TXNRD2: variants seen among roughly 807,000 people sequenced by gnomAD.
TXNRD2 encodes thioredoxin reductase 2.
Under a neutral mutation model 70.8 loss-of-function variants are expected in TXNRD2, and 67 were observed. That is an observed-to-expected ratio of 0.95 (90% CI 0.78 to 1.16). TXNRD2 has a LOEUF of 1.16. TXNRD2 is among the 50% of genes most tolerant of loss of function. The pLI is 0.00. For missense variants in TXNRD2, 644 were observed against 719.9 expected (o/e 0.89, Z 1.21); for synonymous variants, 301 against 295.8 (o/e 1.02, Z -0.18).
At chr22:19,911,864 G>T (rs1940427795) in intron 7 of TXNRD2, among the ~76,000 whole-genome samples, 3 of 152,212 alleles carry the variant, frequency 2.0e-5, no homozygotes, top group Non-Finnish European at 4.4e-5. Context: ...CAACACCTGG[G>T]TTCTGGGGGA....
Position 19,878,180 on chromosome 22 carries a change from C to T in TXNRD2, c.1355G>A (p.Cys452Tyr). The T allele has an allele frequency of 6.2e-7, 1 of 1,613,150 alleles. No individual in the cohort carries two copies. Among genetic ancestry groups the T allele is most frequent in the Non-Finnish European group, 8.5e-7 (1 of 1,180,004 alleles). ...DASQCYVKMV[C>Y]LREPPQLVLG... Reference sequence around the variant, plus strand: ...CACCAGCTGTGGGGGCTCCCTCAGGCACACCATCTGAAAGCCGCACATCTC... The same window carrying T: ...CACCAGCTGTGGGGGCTCCCTCAGGTACACCATCTGAAAGCCGCACATCTC... Residue 452 changes from cysteine to tyrosine, a missense_variant, in exon 16 of 18, where the codon TGC (cysteine) becomes TAC (tyrosine). Physicochemically the swap from Cys to Tyr is radical, Grantham distance 194. Around this residue, in one of 3 missense-constraint regions of TXNRD2, gnomAD observed 566 missense variants for 645.0 expected, o/e 0.88. Coordinates refer to ENST00000400521, the MANE Select transcript of TXNRD2 (RefSeq NM_006440.5).
intron 15 of TXNRD2, 36 bp downstream of exon 15, chr22:19,878,330 C>T (rs1455145637): frequency 1.2e-6 from 2 of 1,612,070 alleles, no homozygotes; most frequent in Non-Finnish European, 1.7e-6. Context: ...CACCCTCCCT[C>T]TCATCCTCAG....
chr22:19,886,887 G>A (rs927121956), intron 11 of TXNRD2, among the ~76,000 whole-genome samples: 8 of 152,202 alleles, frequency 5.3e-5, no homozygotes, highest in Non-Finnish European at 8.8e-5. Flanking sequence ...ATGGAGACCT[G>A]GGGCACCAGC....
chr22:19,931,383 C>T (rs984349217), intron 1 of TXNRD2, among the ~76,000 whole-genome samples: 1 of 152,202 alleles, frequency 6.6e-6, no homozygotes, highest in African/African-American at 2.4e-5. Context: ...CTCAGCCAGA[C>T]ACAGAACTAA....
intron 11 of TXNRD2, among the ~76,000 whole-genome samples, chr22:19,892,759 AC>A (rs2145962123): frequency 6.6e-6 from 1 of 152,236 alleles, no homozygotes; most frequent in South Asian, 2.1e-4. Flanking sequence ...GAAACTCGCC[AC>A]CTCCCCTTTA....
intron 11 of TXNRD2, among the ~76,000 whole-genome samples, chr22:19,888,412 C>T (rs1370829349): frequency 1.3e-5 from 2 of 152,246 alleles, no homozygotes; most frequent in East Asian, 1.9e-4. Context: ...CACAGGGACA[C>T]GGGGACGGCC....
In TXNRD2 at chr22:19,932,551, C is replaced by CG. The variant is rs1941407421; in HGVS notation, c.104-1454dup. The CG allele has an allele frequency of 3.4e-6, 5 of 1,491,600 alleles. No homozygotes were observed. In the South Asian group the frequency reaches 5.1e-5, roughly 15 times the overall value. 92.4% of individuals were successfully genotyped at this position (1,491,600 alleles called of 1,614,324 possible). On this transcript the variant is annotated intron_variant, in intron 1 of 17. Transcript: ENST00000400521. ...AGTACACTGAACTGGGCCTGAGGTC[C>CG]GGGACACCCAGCACCAGGCACCAGC...
intron 7 of TXNRD2, among the ~76,000 whole-genome samples, chr22:19,912,759 C>T (rs2146029396): frequency 6.6e-6 from 1 of 152,364 alleles, no homozygotes; most frequent in Non-Finnish European, 1.5e-5. Context: ...GCTGCTGTGG[C>T]TGCCTGGCGG....
chr22:19,883,166 A>T (rs1434023070), intron 12 of TXNRD2, among the ~76,000 whole-genome samples, 159 bp downstream of exon 12: 4 of 152,270 alleles, frequency 2.6e-5, no homozygotes, highest in Non-Finnish European at 4.4e-5. Flanking sequence ...AGGTTGCCCC[A>T]GAACTCCAGA....
In TXNRD2 at chr22:19,904,989, T is replaced by C. The variant is rs1337547092; in HGVS notation, c.663-5921A>G. On this transcript the variant is annotated intron_variant, in intron 8 of 17. Coordinates refer to ENST00000400521, the MANE Select transcript of TXNRD2 (RefSeq NM_006440.5). ...ATCTGGCAGAAACAGCCCCTCCAAG[T>C]GTGAGTGGAGGCCTCCCCTCAGCCC... Among the ~76,000 whole-genome samples the C allele has an allele frequency of 3.9e-5, 6 of 152,284 alleles. No individual in the cohort carries two copies. In the East Asian group the frequency reaches 1.2e-3, roughly 29 times the overall value.
At position 19,894,982 on chromosome 22, in the gene TXNRD2, A is replaced by AG. The variant is rs1241664264; in HGVS notation, c.949+424_949+425insC. ...GAGACTCCATCTCAAAAAAAAAAAA[A>AG]AAAAGAAAAGAAACATACCAAGACT... is the stretch of plus-strand genomic sequence containing the variant. On this transcript the variant is annotated intron_variant, in intron 11 of 17. Transcript: ENST00000400521. The AG allele has an allele frequency of 4.3e-5, 63 of 1,470,558 alleles. No individual in the cohort carries two copies. In the East Asian group the frequency reaches 4.5e-4, roughly 11 times the overall value. 91.1% of individuals were successfully genotyped at this position (1,470,558 alleles called of 1,614,324 possible).
chr22:19,885,689 C>T (rs1265659573), intron 11 of TXNRD2, among the ~76,000 whole-genome samples: 2 of 152,204 alleles, frequency 1.3e-5, no homozygotes, highest in Non-Finnish European at 2.9e-5. Context: ...CCACCAGGCC[C>T]AGCACTTCCT....
At chr22:19,898,504 T>C (rs150780171) in intron 9 of TXNRD2, among the ~76,000 whole-genome samples, 4,950 of 142,126 alleles carry the variant, frequency 0.035, 306 homozygotes, top group African/African-American at 0.12. Context: ...AGCCAGCGGC[T>C]TGGGGCTTTT....
chr22:19,879,653 C>T (rs1395375988), intron 14 of TXNRD2, among the ~76,000 whole-genome samples: 1 of 151,764 alleles, frequency 6.6e-6, no homozygotes, highest in African/African-American at 2.4e-5. Context: ...GGTCGGAGGC[C>T]CCTGGGAGAA....
At chr22:19,883,663 C>T in intron 11 of TXNRD2, 1 of 676,838 alleles carries the variant, frequency 1.5e-6, no homozygotes, top group Non-Finnish European at 2.5e-6. Flanking sequence ...CATGATGAAA[C>T]CCTGTCTCAG....
intron 3 of TXNRD2, 105 bp downstream of exon 3, chr22:19,919,438 C>G: frequency 9.8e-7 from 1 of 1,016,610 alleles, no homozygotes; most frequent in Non-Finnish European, 1.5e-6. Context: ...AAACCATGGA[C>G]AGCAGGGCTG....
chr22:19,904,777 G>A (rs1569088292), intron 8 of TXNRD2, among the ~76,000 whole-genome samples: 1 of 152,160 alleles, frequency 6.6e-6, no homozygotes, highest in Non-Finnish European at 1.5e-5. Flanking sequence ...ACTGCAGGAG[G>A]GGCACTGTGA....
chr22:19,919,621 C>A, intron 2 of TXNRD2, 22 bp from the exon 3 acceptor site: 1 of 1,544,998 alleles, frequency 6.5e-7, no homozygotes, highest in Non-Finnish European at 8.7e-7. Context: ...AGGAGAGCAG[C>A]AGGTGAGCAT....
rs1259831281 is a variant in TXNRD2 at position 19,898,109 on chromosome 22, C to G, written c.704G>C (p.Gly235Ala). The change falls in exon 10 of 18, where the codon GGC becomes GCC. Residue 235 changes from glycine to alanine, a missense_variant. Physicochemically the swap from Gly to Ala is moderately conservative, Grantham distance 60. This residue lies in a region of TXNRD2 where 566 missense variants were observed against 645.0 expected (regional missense o/e 0.88). Coordinates refer to ENST00000400521, the MANE Select transcript of TXNRD2 (RefSeq NM_006440.5). ...GASYVALECA[G>A]FLTGIGLDTT... ...GTCCAGCCCAATCCCGGTGAGGAAG[C>G]CAGCACACTCCAGGGCCACATCTGT... 3.8e-6 allele frequency: 6 copies of G among 1,564,302 alleles called. No homozygotes were observed. The highest frequency in any genetic ancestry group is 1.4e-5 in the African/African-American group (1 of 73,560).
Sources: gnomAD v4.1 joint callset for allele counts (sites outside exome capture counted in the v4.1 genomes callset) on GRCh38, gnomAD v4.1.1 for gene constraint, gnomAD v4.1.1 regional missense constraint, MANE v1.5 for transcripts, NCBI Gene and HGNC (gene_info 2026-07-23, HGNC 2026-07-21) for gene names.